Variants in ANGPT1 observed in about 807,000 individuals in gnomAD.
ANGPT1 encodes angiopoietin 1, also known as angiopoietin-1.
In ANGPT1, 17 loss-of-function variants were observed where a neutral mutation model predicts 62.2. That is an observed-to-expected ratio of 0.27 (90% confidence interval 0.19 to 0.41). The LOEUF is 0.41. Ranked by LOEUF, ANGPT1 falls within the 10% of genes least tolerant of loss-of-function variation. The pLI is 1.00. For synonymous variants in ANGPT1, 199 were observed against 198.9 expected, an observed-to-expected ratio of 1.00 and a Z score of 0.00; for missense variants, 478 against 594.9, an observed-to-expected ratio of 0.80 and a Z score of 2.04.
chr8:107,495,658 T>C (rs1312182898), intron 1 of ANGPT1, among the ~76,000 whole-genome samples: 1 of 152,176 alleles, frequency 6.6e-6, no homozygotes, highest in African/African-American at 2.4e-5. Flanking sequence ...TATGTAATGA[T>C]TGAATTCTCA....
intron 8 of ANGPT1, among the ~76,000 whole-genome samples, chr8:107,262,495 T>G (rs1275049257): frequency 6.6e-6 from 1 of 152,200 alleles, no homozygotes; most frequent in African/African-American, 2.4e-5. Context: ...AACATAGAGA[T>G]GAGTTTCTCT....
At chr8:107,459,816 C>T (rs1056389585) in intron 1 of ANGPT1, among the ~76,000 whole-genome samples, 5 of 152,256 alleles carry the variant, frequency 3.3e-5, no homozygotes, top group South Asian at 4.1e-4. Context: ...GATCCAAAGA[C>T]GCATCAAGTG....
chr8:107,441,923 A>C (rs1435300316), intron 1 of ANGPT1, among the ~76,000 whole-genome samples: 1 of 152,136 alleles, frequency 6.6e-6, no homozygotes, highest in Non-Finnish European at 1.5e-5. Context: ...GTCTCTACTG[A>C]AAATACAAAA....
At chr8:107,457,440 T>G (rs1448842684) in intron 1 of ANGPT1, among the ~76,000 whole-genome samples, 2 of 152,082 alleles carry the variant, frequency 1.3e-5, no homozygotes, top group Non-Finnish European at 2.9e-5. Flanking sequence ...ATCAGTGGAA[T>G]AAATTATAAT....
In ANGPT1 at chr8:107,334,491, T is replaced by A. The variant is rs559784768; in HGVS notation, c.575+1659A>T. Among the ~76,000 whole-genome samples, 16 of 152,292 alleles carry A rather than the reference T, an allele frequency of 1.1e-4. No homozygotes were observed. The South Asian group carries it at 3.3e-3, about 32-fold the overall frequency. ...TATAAAATGCAGCAAAATATGCAGC[T>A]CTTTCTGTATGATAAAGCTGTGGTT... On this transcript the variant is annotated intron_variant, in intron 3 of 8. Transcript: ENST00000517746.
chr8:107,394,961 T>C (rs1365866823), intron 1 of ANGPT1, among the ~76,000 whole-genome samples: 1 of 152,124 alleles, frequency 6.6e-6, no homozygotes, highest in Non-Finnish European at 1.5e-5. Flanking sequence ...ATCCAGTTAT[T>C]TTTTTTAAAA....
chr8:107,476,366 A>T (rs1812528519), intron 1 of ANGPT1, among the ~76,000 whole-genome samples: 1 of 152,110 alleles, frequency 6.6e-6, no homozygotes, highest in Non-Finnish European at 1.5e-5. Context: ...ATTCTCACTC[A>T]TAGGTGGGAA....
intron 1 of ANGPT1, among the ~76,000 whole-genome samples, chr8:107,385,506 T>G (rs1375541116): frequency 6.6e-6 from 1 of 152,084 alleles, no homozygotes. Flanking sequence ...GCTGAAGTTG[T>G]TTATCAGATC....
chr8:107,488,418 G>A (rs901180822), intron 1 of ANGPT1, among the ~76,000 whole-genome samples: 4 of 152,116 alleles, frequency 2.6e-5, no homozygotes, highest in African/African-American at 9.7e-5. Flanking sequence ...AGGGAAGAGG[G>A]TTTAGAAGGA....
chr8:107,272,226 T>C (rs1416057710), intron 7 of ANGPT1, among the ~76,000 whole-genome samples: 1 of 152,078 alleles, frequency 6.6e-6, no homozygotes, highest in Non-Finnish European at 1.5e-5. Context: ...TTTGAGATAG[T>C]AATGGTCCTG....
chr8:107,374,214 C>T (rs1347183), intron 1 of ANGPT1, among the ~76,000 whole-genome samples: 74,209 of 151,968 alleles, frequency 0.49, 18,233 homozygotes, highest in East Asian at 0.53. Flanking sequence ...TCAAATATAG[C>T]AGTCGTAAGA....
chr8:107,434,609 AAAT>A (rs1325506420), intron 1 of ANGPT1, among the ~76,000 whole-genome samples: 4 of 140,906 alleles, frequency 2.8e-5, no homozygotes, highest in African/African-American at 1.1e-4. Flanking sequence ...AAAAAGAAAA[AAAT>A]ACTAAACTTC....
In ANGPT1 at chr8:107,393,928, G is replaced by GT. The variant is rs112586455; in HGVS notation, c.298-46832dup. Among the ~76,000 whole-genome samples the GT allele has an allele frequency of 1.9e-3, 287 of 152,292 alleles. 1 individual carries two copies. The highest frequency in any genetic ancestry group is 6.4e-3 in the African/African-American group (265 of 41,566). Reference sequence around the variant, plus strand: ...GCTAAGACAAAACAAAAGCAGAATCGTAAGTGAAAATATATAGGGACTCCT... The same window carrying GT: ...GCTAAGACAAAACAAAAGCAGAATCGTTAAGTGAAAATATATAGGGACTCCT... On this transcript the variant is annotated intron_variant, in intron 1 of 8. Transcript: ENST00000517746.
At chr8:107,267,708 T>C (rs1004495656) in intron 7 of ANGPT1, among the ~76,000 whole-genome samples, 1 of 152,126 alleles carries the variant, frequency 6.6e-6, no homozygotes, top group African/African-American at 2.4e-5. Flanking sequence ...AATTCAAAGA[T>C]AAAGTCCAAA....
At chr8:107,253,964 G>A (rs893649528) in intron 8 of ANGPT1, among the ~76,000 whole-genome samples, 2 of 152,152 alleles carry the variant, frequency 1.3e-5, no homozygotes, top group Admixed American at 6.5e-5. Context: ...CACAATCAAC[G>A]AGGGGGATAG....
At chr8:107,341,304 G>A (rs538592757) in intron 2 of ANGPT1, among the ~76,000 whole-genome samples, 3 of 152,010 alleles carry the variant, frequency 2.0e-5, no homozygotes, top group Admixed American at 2.0e-4. Flanking sequence ...GTAAACTAAA[G>A]GTCATAATAA....
rs71308729 is a variant in ANGPT1 at position 107,370,700 on chromosome 8, C to CAAAAAAAAAAAA, written c.298-23615_298-23604dup. ...CCTGGGTGACAGAGCAAGACTCTGTCAAAAAAAAAAAAAAAAAAAAAAGAG... is the reference window on the plus strand; with the variant it reads ...CCTGGGTGACAGAGCAAGACTCTGTCAAAAAAAAAAAAAAAAAAAAAAAAAAAAAAAAAAGAG... On this transcript the variant is annotated intron_variant, in intron 1 of 8. Coordinates refer to ENST00000517746, the MANE Select transcript of ANGPT1 (RefSeq NM_001146.5). 6.4e-4 allele frequency among the ~76,000 whole-genome samples: 48 copies of CAAAAAAAAAAAA among 75,570 alleles called. 1 individual carries two copies. The highest frequency in any genetic ancestry group is 1.2e-3 in the South Asian group (2 of 1,684). The allele number at this position is 75,570 out of a possible 152,430, so 49.6% of individuals were successfully genotyped here.
chr8:107,285,977 G>A (rs1052847593), intron 6 of ANGPT1, among the ~76,000 whole-genome samples: 8 of 152,138 alleles, frequency 5.3e-5, no homozygotes, highest in Non-Finnish European at 1.2e-4. Context: ...GGAAAGGATA[G>A]AGGAAAGAAG....
intron 1 of ANGPT1, among the ~76,000 whole-genome samples, chr8:107,389,664 A>C (rs1215842458): frequency 3.9e-5 from 6 of 152,168 alleles, no homozygotes; most frequent in Admixed American, 3.9e-4. Context: ...ATATAACAAA[A>C]ACAATTATAT....
Sources: allele counts gnomAD v4.1 joint callset (sites outside exome capture counted in the v4.1 genomes callset), GRCh38; gene constraint gnomAD v4.1.1; transcripts MANE v1.5; gene names NCBI Gene and HGNC (gene_info 2026-07-23, HGNC 2026-07-21).